The following SLC20A2 variants were observed in gnomAD, a reference collection of about 807,000 sequenced individuals.
SLC20A2 encodes the protein solute carrier family 20 member 2, also known as sodium-dependent phosphate transporter 2.
SLC20A2 carries 30 observed loss-of-function variants against 61.0 expected under a neutral mutation model. The observed-to-expected ratio is 0.49, with a 90% CI of 0.37 to 0.67. The LOEUF is 0.67. Among genes scored for constraint, SLC20A2 ranks in the 30% least tolerant of loss-of-function variants. The pLI, the probability that SLC20A2 is intolerant of heterozygous loss-of-function variation, is 0.00. For synonymous variants in SLC20A2, 351 were observed against 353.3 expected, an observed-to-expected ratio of 0.99 and a Z score of 0.07; for missense variants, 626 against 866.4, an observed-to-expected ratio of 0.72 and a Z score of 3.48.
chr8:42,511,626 CA>C (rs375885875), intron 1 of SLC20A2, among the ~76,000 whole-genome samples: 10,180 of 123,272 alleles, frequency 0.083, 422 homozygotes, highest in Middle Eastern at 0.21. Flanking sequence ...GACTCCATCT[CA>C]AAAAAAAAAA....
chr8:42,485,782 C>A (rs771892878), intron 1 of SLC20A2, among the ~76,000 whole-genome samples: 40 of 151,072 alleles, frequency 2.6e-4, no homozygotes, highest in Non-Finnish European at 4.6e-4. Context: ...CCCATCTCTA[C>A]TGAAAATACA....
At chr8:42,428,885 C>G (rs1179922569) in intron 9 of SLC20A2, 43 bp from the exon 10 acceptor site, 2 of 1,494,030 alleles carry the variant, frequency 1.3e-6, no homozygotes, top group South Asian at 1.3e-5. Context: ...CCCTCTGTAT[C>G]AGCCTCCCTG....
At chr8:42,464,788 C>T (rs144241008) in intron 3 of SLC20A2, among the ~76,000 whole-genome samples, 124 of 152,148 alleles carry the variant, frequency 8.1e-4, no homozygotes, top group Middle Eastern at 3.4e-3. Flanking sequence ...GCCTGGGCAA[C>T]ATGGTGAAAC....
chr8:42,426,332 G>C (rs752399210), intron 10 of SLC20A2, among the ~76,000 whole-genome samples: 2 of 152,120 alleles, frequency 1.3e-5, no homozygotes, highest in Admixed American at 6.5e-5. Context: ...ACATACAAAC[G>C]GATTAGACTG....
Position 42,430,251 on chromosome 8 carries a change from TG to T in SLC20A2, c.1524-3del. The T allele has an allele frequency of 6.2e-7, 1 of 1,606,912 alleles. No homozygotes were observed. Reference sequence around the variant, plus strand: ...GCTACCAGGGGACCGATGGCATTACTGGGAAAAATAAAAAGAGAAAAGATTA... The same window carrying T: ...GCTACCAGGGGACCGATGGCATTACTGGAAAAATAAAAAGAGAAAAGATTA... On this transcript the variant is annotated splice_region_variant and splice_polypyrimidine_tract_variant and intron_variant, in intron 8 of 10. Transcript: ENST00000520262.
intron 1 of SLC20A2, chr8:42,534,577 G>A (rs767054169): frequency 6.6e-6 from 1 of 152,062 alleles, no homozygotes. Context: ...AATAACCTAG[G>A]GTAGAATGCA....
At chr8:42,446,096 C>T (rs1351165319) in intron 5 of SLC20A2, among the ~76,000 whole-genome samples, 2 of 152,232 alleles carry the variant, frequency 1.3e-5, no homozygotes, top group Non-Finnish European at 2.9e-5. Context: ...GCTGGGATTA[C>T]AGGCATGAGC....
chr8:42,541,325 G>C (rs1813129009), intron 1 of SLC20A2: 1 of 148,394 alleles, frequency 6.7e-6, no homozygotes. Context: ...AGCCCCGCCG[G>C]CGCCGACCAG....
At chr8:42,537,330 T>C (rs1274836050) in intron 1 of SLC20A2, among the ~76,000 whole-genome samples, 5 of 136,140 alleles carry the variant, frequency 3.7e-5, no homozygotes, top group Admixed American at 8.0e-5. Context: ...GAGATCACAC[T>C]ACTGTACTCT....
chr8:42,466,652 G>C (rs1043552079), intron 2 of SLC20A2, among the ~76,000 whole-genome samples: 1 of 152,006 alleles, frequency 6.6e-6, no homozygotes, highest in African/African-American at 2.4e-5. Context: ...ATAATACCAT[G>C]TTGCTTTTTT....
At position 42,436,302 on chromosome 8, in the gene SLC20A2, C is replaced by G. The variant is rs1351265428; in HGVS notation, c.1523+687G>C. On this transcript the variant is annotated intron_variant, in intron 8 of 10. Transcript: ENST00000520262. ...TGTCCTGAACTCGGGCGTACACGGC[C>G]GCTGCCTGCTCAACCTGAATAGCAG... is the stretch of plus-strand genomic sequence containing the variant. 6.6e-5 allele frequency among the ~76,000 whole-genome samples: 10 copies of G among 152,200 alleles called. 1 individual carries two copies. In the South Asian group the frequency reaches 2.1e-3, roughly 32 times the overall value.
chr8:42,518,644 T>C (rs1288961614), intron 1 of SLC20A2, among the ~76,000 whole-genome samples: 2 of 152,186 alleles, frequency 1.3e-5, no homozygotes, highest in Non-Finnish European at 2.9e-5. Flanking sequence ...TACAAGTAAA[T>C]AGTTTTACAA....
intron 1 of SLC20A2, among the ~76,000 whole-genome samples, chr8:42,485,903 G>A (rs540696845): frequency 2.5e-4 from 38 of 150,390 alleles, no homozygotes; most frequent in African/African-American, 8.3e-4. Context: ...CCGAGATTGC[G>A]CTGCTGCACT....
rs1408182383 is a variant in SLC20A2 at position 42,437,717 on chromosome 8, C to T, written c.935-140G>A. On this transcript the variant is annotated intron_variant, in intron 7 of 10. Coordinates refer to ENST00000520262, the MANE Select transcript of SLC20A2 (RefSeq NM_001257180.2). The surrounding 1 kb of genome is among the most constrained non-coding windows in gnomAD (Gnocchi z 6.4). Reference sequence around the variant, plus strand: ...CACTGCAACCTTCGCCTCCCGGGTTCAAGCGATTCTCCCTCAGCCTCCTGA... The same window carrying T: ...CACTGCAACCTTCGCCTCCCGGGTTTAAGCGATTCTCCCTCAGCCTCCTGA... 2 of 637,674 alleles carry T rather than the reference C, an allele frequency of 3.1e-6. No individual in the cohort carries two copies. Among genetic ancestry groups the T allele is most frequent in the Non-Finnish European group, 5.0e-6 (2 of 396,636 alleles). The allele number at this position is 637,674 out of a possible 1,614,324, so 39.5% of individuals were successfully genotyped here. A position where few individuals can be genotyped will look rare whatever the true frequency, so the allele number is the denominator to read the frequency against.
chr8:42,462,377 G>A (rs1270027792), intron 4 of SLC20A2, among the ~76,000 whole-genome samples: 1 of 152,174 alleles, frequency 6.6e-6, no homozygotes, highest in Non-Finnish European at 1.5e-5. Context: ...TGGAGGGTAC[G>A]TCCCTGCCTG....
At chr8:42,531,102 T>C (rs1361477259) in intron 1 of SLC20A2, among the ~76,000 whole-genome samples, 2 of 152,206 alleles carry the variant, frequency 1.3e-5, no homozygotes, top group African/African-American at 4.8e-5. Context: ...CTGCTATCAT[T>C]CACGTATTAA....
At chr8:42,491,165 C>T (rs1225753547) in intron 1 of SLC20A2, among the ~76,000 whole-genome samples, 1 of 151,938 alleles carries the variant, frequency 6.6e-6, no homozygotes. Context: ...TTTGGGAGGC[C>T]GAGGCAGGCA....
intron 1 of SLC20A2, among the ~76,000 whole-genome samples, chr8:42,533,958 T>C (rs1016309654): frequency 2.7e-5 from 2 of 73,266 alleles, no homozygotes; most frequent in Non-Finnish European, 5.0e-5. Flanking sequence ...TACAAAAACT[T>C]CTCCCTCTCT....
At chr8:42,491,561 T>C (rs138034321) in intron 1 of SLC20A2, among the ~76,000 whole-genome samples, 2,408 of 151,536 alleles carry the variant, frequency 0.016, 45 homozygotes, top group African/African-American at 0.046. Flanking sequence ...ATCCCACCTA[T>C]TTGGGAGGCT....
Sources: gnomAD v4.1 joint callset for allele counts (sites outside exome capture counted in the v4.1 genomes callset) on GRCh38, gnomAD v4.1.1 for gene constraint, Gnocchi (gnomAD v3.1) non-coding constraint, MANE v1.5 for transcripts, NCBI Gene and HGNC (gene_info 2026-07-23, HGNC 2026-07-21) for gene names.